Variants in SLC35F1 observed in about 807,000 individuals in gnomAD.
SLC35F1 encodes the protein chromosome 6 open reading frame 169.
Under a neutral mutation model 48.7 loss-of-function variants are expected in SLC35F1, and 14 were observed. That is an observed-to-expected ratio of 0.29 (90% confidence interval 0.19 to 0.45). The LOEUF (loss-of-function observed/expected upper bound fraction) is 0.45, where lower values mean the gene tolerates loss of function less well. Ranked by LOEUF, SLC35F1 falls within the 20% of genes least tolerant of loss-of-function variation. The pLI, the probability that SLC35F1 is intolerant of heterozygous loss-of-function variation, is 1.00. For missense variants in SLC35F1, 404 were observed against 500.0 expected (o/e 0.81, Z 1.83); for synonymous variants, 190 against 202.2 (o/e 0.94, Z 0.51).
At chr6:118,078,026 T>C (rs982047721) in intron 1 of SLC35F1, among the ~76,000 whole-genome samples, 7 of 152,220 alleles carry the variant, frequency 4.6e-5, no homozygotes, top group African/African-American at 9.6e-5. Context: ...CACTCTTTAA[T>C]TGATGTCCTG....
chr6:118,049,438 T>C (rs1772351532), intron 1 of SLC35F1, among the ~76,000 whole-genome samples: 1 of 151,768 alleles, frequency 6.6e-6, no homozygotes, highest in African/African-American at 2.4e-5. Flanking sequence ...ACCCACAAAA[T>C]GGGAAAAAAT....
At chr6:118,250,396 A>G (rs1206466032) in intron 3 of SLC35F1, among the ~76,000 whole-genome samples, 1 of 152,210 alleles carries the variant, frequency 6.6e-6, no homozygotes, top group Non-Finnish European at 1.5e-5. Context: ...TGAATTCATA[A>G]AATACTTGTA....
chr6:118,300,594 G>A (rs548411863), intron 7 of SLC35F1, among the ~76,000 whole-genome samples: 2 of 152,186 alleles, frequency 1.3e-5, no homozygotes, highest in Admixed American at 1.3e-4. Flanking sequence ...CTTTGCCATT[G>A]AAAAAATGGA....
intron 7 of SLC35F1, among the ~76,000 whole-genome samples, chr6:118,285,681 A>G (rs1776040707): frequency 6.6e-6 from 1 of 152,224 alleles, no homozygotes; most frequent in Non-Finnish European, 1.5e-5. Context: ...CCCAGACTAC[A>G]GCTGCAAAAT....
chr6:118,240,979 T>C (rs1224413914), intron 3 of SLC35F1, among the ~76,000 whole-genome samples: 1 of 152,202 alleles, frequency 6.6e-6, no homozygotes, highest in East Asian at 1.9e-4. Flanking sequence ...GCAAAATTTT[T>C]AATCTGCAAG....
At chr6:117,941,198 A>G (rs1776228723) in intron 1 of SLC35F1, among the ~76,000 whole-genome samples, 1 of 152,208 alleles carries the variant, frequency 6.6e-6, no homozygotes, top group Non-Finnish European at 1.5e-5. Flanking sequence ...TCCATATTAA[A>G]GAAAGTGTTT....
At chr6:118,062,197 A>G (rs1582644694) in intron 1 of SLC35F1, among the ~76,000 whole-genome samples, 1 of 152,330 alleles carries the variant, frequency 6.6e-6, no homozygotes, top group East Asian at 1.9e-4. Context: ...AATTAGAATA[A>G]ATTTAATGTT....
At chr6:118,014,553 T>TTTA (rs1777294299) in intron 1 of SLC35F1, among the ~76,000 whole-genome samples, 1 of 152,172 alleles carries the variant, frequency 6.6e-6, no homozygotes, top group Non-Finnish European at 1.5e-5. Flanking sequence ...TACAACTCTT[T>TTTA]AAAACCCAAT....
chr6:118,249,308 T>G (rs915516257), intron 3 of SLC35F1, among the ~76,000 whole-genome samples: 4 of 152,220 alleles, frequency 2.6e-5, no homozygotes, highest in Non-Finnish European at 5.9e-5. Flanking sequence ...GAGAAAAGTA[T>G]CCTGCCCAGG....
At chr6:118,142,613 A>G (rs1450692206) in intron 1 of SLC35F1, among the ~76,000 whole-genome samples, 4 of 152,046 alleles carry the variant, frequency 2.6e-5, no homozygotes, top group African/African-American at 9.7e-5. Flanking sequence ...AACAGGTCAA[A>G]TTTCTTCCCC....
chr6:118,271,635 G>A (rs1380521704), intron 4 of SLC35F1, among the ~76,000 whole-genome samples: 2 of 152,094 alleles, frequency 1.3e-5, no homozygotes, highest in Non-Finnish European at 2.9e-5. Context: ...ATTTCAAATA[G>A]CCTTCCTTTT....
intron 1 of SLC35F1, among the ~76,000 whole-genome samples, chr6:118,019,992 A>G (rs1367889775): frequency 6.6e-6 from 1 of 152,208 alleles, no homozygotes; most frequent in Admixed American, 6.5e-5. Flanking sequence ...TAGTTTATGT[A>G]ATACTTGGAC....
At chr6:117,989,082 C>T (rs1042775407) in intron 1 of SLC35F1, among the ~76,000 whole-genome samples, 6 of 152,256 alleles carry the variant, frequency 3.9e-5, no homozygotes, top group African/African-American at 1.4e-4. Context: ...ACTCAAGTCT[C>T]GGATGATTCG....
At chr6:118,059,298 A>T (rs540802185) in intron 1 of SLC35F1, among the ~76,000 whole-genome samples, 1 of 152,226 alleles carries the variant, frequency 6.6e-6, no homozygotes, top group Non-Finnish European at 1.5e-5. Context: ...ATGCCTGGGT[A>T]GTACAAAGGG....
intron 2 of SLC35F1, among the ~76,000 whole-genome samples, chr6:118,187,529 T>C (rs540080477): frequency 6.6e-6 from 1 of 152,290 alleles, no homozygotes; most frequent in Admixed American, 6.5e-5. Flanking sequence ...CTTTGCTCTG[T>C]TTTTTCCTTG....
intron 1 of SLC35F1, among the ~76,000 whole-genome samples, chr6:118,084,917 A>G (rs1772964454): frequency 6.6e-6 from 1 of 152,104 alleles, no homozygotes; most frequent in Non-Finnish European, 1.5e-5. Flanking sequence ...GGTAGCCTTG[A>G]CAGACTTATG....
Position 118,249,127 on chromosome 6 carries a change from AT to A in SLC35F1, c.477+13492del, listed in dbSNP as rs1332455818. Reference sequence around the variant, plus strand: ...TGTGGGAAATAAATATATGTTGTTTATAAGCCACCAGTCTATGGTATTTTTT... The same window carrying A: ...TGTGGGAAATAAATATATGTTGTTTAAAGCCACCAGTCTATGGTATTTTTT... On this transcript the variant is annotated intron_variant, in intron 3 of 7. Transcript: ENST00000360388. 1.1e-4 allele frequency among the ~76,000 whole-genome samples: 16 copies of A among 152,362 alleles called. No homozygotes were observed. In the East Asian group the frequency reaches 2.7e-3, roughly 26 times the overall value.
intron 3 of SLC35F1, among the ~76,000 whole-genome samples, chr6:118,263,382 C>T (rs1409887806): frequency 3.9e-5 from 6 of 152,002 alleles, no homozygotes; most frequent in Non-Finnish European, 7.4e-5. Context: ...AAAACAGAAT[C>T]GTAGACACCT....
intron 1 of SLC35F1, among the ~76,000 whole-genome samples, chr6:118,084,288 G>A (rs111952214): frequency 6.6e-6 from 1 of 151,908 alleles, no homozygotes; most frequent in Non-Finnish European, 1.5e-5. Context: ...GAGATAAAAC[G>A]ATACAAATTA....
Sources: gnomAD v4.1 joint callset for allele counts (sites outside exome capture counted in the v4.1 genomes callset) on GRCh38, gnomAD v4.1.1 for gene constraint, MANE v1.5 for transcripts, NCBI Gene and HGNC (gene_info 2026-07-23, HGNC 2026-07-21) for gene names.